Variants in CDC25A observed in about 807,000 individuals in gnomAD.
CDC25A encodes M-phase inducer phosphatase 1.
Under a neutral mutation model 64.6 loss-of-function variants are expected in CDC25A, and 17 were observed. The ratio of observed to expected loss-of-function variants is 0.26; its 90% CI spans 0.18 to 0.39. The LOEUF (loss-of-function observed/expected upper bound fraction) is 0.39, where lower values mean the gene tolerates loss of function less well. Ranked by LOEUF, CDC25A falls within the 10% of genes least tolerant of loss-of-function variation. The probability of loss-of-function intolerance (pLI) is 1.00; values close to 1 mark genes in which losing one functional copy is unlikely to be tolerated. For synonymous variants in CDC25A, 229 were observed against 238.6 expected (o/e 0.96, Z 0.37); for missense variants, 473 against 654.8 (o/e 0.72, Z 3.03).
intron 13 of CDC25A, among the ~76,000 whole-genome samples, chr3:48,160,885 T>TA (rs2031728857): frequency 6.6e-6 from 1 of 151,996 alleles, no homozygotes; most frequent in Non-Finnish European, 1.5e-5. Context: ...CTGGGCGCGG[T>TA]GGCTCACACC....
intron 6 of CDC25A, among the ~76,000 whole-genome samples, chr3:48,178,383 T>A (rs944068593): frequency 6.6e-6 from 1 of 152,090 alleles, no homozygotes; most frequent in Non-Finnish European, 1.5e-5. Context: ...ATAAAGACCA[T>A]AAAATGGCCT....
intron 5 of CDC25A, among the ~76,000 whole-genome samples, chr3:48,182,599 C>T (rs2032707271): frequency 6.6e-6 from 1 of 152,216 alleles, no homozygotes; most frequent in South Asian, 2.1e-4. Context: ...ACTATTTGTA[C>T]ATGTAATTAC....
rs373510424 is a variant in CDC25A, at chr3:48,167,880, T to C, written c.995A>G (p.Asn332Ser). ...GTCTCCTATAAGGTCCCTTGGGTCA[T>C]TGTCCAAAATGTTCTCAATGGTTCC... ...PKGTIENILD[N>S]DPRDLIGDFS... The change falls in exon 10 of 15, where the codon AAT becomes AGT. Residue 332 changes from asparagine to serine, a missense_variant. Physicochemically the swap from Asn to Ser is conservative, Grantham distance 46 (BLOSUM62 1). Transcript: ENST00000302506. The C allele has an allele frequency of 1.2e-5, 19 of 1,609,004 alleles. No individual in the cohort carries two copies. In the East Asian group the frequency reaches 1.8e-4, roughly 15 times the overall value.
chr3:48,187,890 G>A lies in CDC25A; in HGVS notation c.58C>T (p.Pro20Ser), dbSNP rs746164227. The A allele has an allele frequency of 3.0e-5, 46 of 1,545,152 alleles. No individual in the cohort carries two copies. In the South Asian group the frequency reaches 4.9e-4, roughly 16 times the overall value. Residue 20 changes from proline (P) to serine (S), a missense_variant, in exon 1 of 15, where the codon CCT becomes TCT. By Grantham distance (74) the Pro-to-Ser change is moderately conservative. Transcript: ENST00000302506. ...RRRLLFACSP[P>S]PASQPVVKAL... is the part of the protein sequence containing the mutation. ...TTCACGACGGGCTGCGACGCGGGAG[G>A]GGGGCTGCAGGCGAAGAGCAGGCGG...
rs3731503 is a variant in CDC25A at position 48,184,019 on chromosome 3, T to C, written c.291-183A>G. Among the ~76,000 whole-genome samples, 36,280 of 151,964 alleles carry C rather than the reference T, an allele frequency of 0.24. 5,543 individuals carry two copies. Among genetic ancestry groups the C allele is most frequent in the Admixed American group, 0.32 (4,857 of 15,260 alleles). On this transcript the variant is annotated intron_variant, in intron 3 of 14. Coordinates refer to ENST00000302506, the MANE Select transcript of CDC25A (RefSeq NM_001789.3). ...CTCAGGAGCACCCCCAACACTAGAC[T>C]TCTAGGTGAAAAAAAACAAACCCAT...
chr3:48,166,400 T>A (rs1028914101), intron 10 of CDC25A, among the ~76,000 whole-genome samples: 4 of 152,212 alleles, frequency 2.6e-5, no homozygotes, highest in African/African-American at 9.7e-5. Context: ...AGGTATATTA[T>A]CCCCATTTTG....
In CDC25A at chr3:48,184,649, A is replaced by G. The variant is rs752073656; in HGVS notation, c.290+4T>C. 22 of 1,585,684 alleles carry G rather than the reference A, an allele frequency of 1.4e-5. No homozygotes were observed. Among genetic ancestry groups the G allele is most frequent in the Non-Finnish European group, 1.8e-5 (21 of 1,166,596 alleles). On this transcript the variant is annotated splice_donor_region_variant and intron_variant, in intron 3 of 14. Coordinates refer to ENST00000302506, the MANE Select transcript of CDC25A (RefSeq NM_001789.3). ...ATAAACATTTGAAAGCAGTGAATAC[A>G]TACTTTTCTTTACTGTCCAATGGCC...
At chr3:48,169,733 C>T (rs1193217783) in intron 9 of CDC25A, among the ~76,000 whole-genome samples, 1 of 152,174 alleles carries the variant, frequency 6.6e-6, no homozygotes. Context: ...CTCTGCCGGG[C>T]GTGGTGGCTC....
chr3:48,166,246 G>C (rs1406393430), intron 10 of CDC25A, among the ~76,000 whole-genome samples: 2 of 152,198 alleles, frequency 1.3e-5, no homozygotes, highest in Non-Finnish European at 2.9e-5. Flanking sequence ...TTGCACCACT[G>C]CACTCCAGCC....
At chr3:48,180,902 G>A in intron 5 of CDC25A, 62 bp from the exon 6 acceptor site, 1 of 1,576,414 alleles carries the variant, frequency 6.3e-7, no homozygotes, top group South Asian at 1.1e-5. Context: ...CAGCTTGGGT[G>A]AAAGAGGCAA....
chr3:48,162,282 G>GTT (rs1449671290), intron 13 of CDC25A, among the ~76,000 whole-genome samples: 2 of 150,926 alleles, frequency 1.3e-5, no homozygotes, highest in African/African-American at 4.9e-5. Context: ...GTGTGTGTGT[G>GTT]TGTGTGTGTG....
intron 4 of CDC25A, among the ~76,000 whole-genome samples, chr3:48,183,251 C>T (rs933718871): frequency 1.1e-4 from 17 of 152,166 alleles, no homozygotes; most frequent in African/African-American, 4.1e-4. Context: ...GCTAACCTCA[C>T]AAGGTCTACA....
At chr3:48,177,259 GATCCCCAA>G in intron 8 of CDC25A, 104 bp downstream of exon 8, 1 of 824,780 alleles carries the variant, frequency 1.2e-6, no homozygotes. Flanking sequence ...CTAAAACCCA[GATCCCCAA>G]ATCCTATCAT....
At chr3:48,167,536 T>C (rs1162703630) in intron 10 of CDC25A, among the ~76,000 whole-genome samples, 1 of 152,218 alleles carries the variant, frequency 6.6e-6, no homozygotes, top group Non-Finnish European at 1.5e-5. Context: ...CTGTACACTA[T>C]CCTGCTAATT....
chr3:48,180,445 A>C (rs1238226769), intron 6 of CDC25A: 1 of 318,714 alleles, frequency 3.1e-6, no homozygotes, highest in African/African-American at 2.1e-5. Flanking sequence ...CCCACCATAC[A>C]TACATTTAGG....
intron 9 of CDC25A, among the ~76,000 whole-genome samples, chr3:48,168,360 C>CCACACCCACACACA (rs2032124234): frequency 9.4e-6 from 1 of 106,606 alleles, no homozygotes; most frequent in South Asian, 3.6e-4. Flanking sequence ...AAGACCCTGT[C>CCACACCCACACACA]CACACACACA....
chr3:48,180,909 G>A, intron 5 of CDC25A, 69 bp from the exon 6 acceptor site: 1 of 1,515,952 alleles, frequency 6.6e-7, no homozygotes. Context: ...GGTGAAAGAG[G>A]CAAGAAAGTG....
chr3:48,181,480 G>C, intron 5 of CDC25A: 1 of 769,680 alleles, frequency 1.3e-6, no homozygotes, highest in Non-Finnish European at 2.3e-6. Flanking sequence ...GGCTAGCACT[G>C]GCGTGGGTGG....
intron 9 of CDC25A, among the ~76,000 whole-genome samples, chr3:48,172,857 G>A (rs1416340578): frequency 6.7e-6 from 1 of 148,356 alleles, no homozygotes; most frequent in Non-Finnish European, 1.5e-5. Context: ...GAGAGACCCT[G>A]TCTCAGAAAC....
Sources: gnomAD v4.1 joint callset for allele counts (sites outside exome capture counted in the v4.1 genomes callset) on GRCh38, gnomAD v4.1.1 for gene constraint, MANE v1.5 for transcripts, NCBI Gene and HGNC (gene_info 2026-07-23, HGNC 2026-07-21) for gene names.